Variants in KIAA1549L observed in about 807,000 individuals in gnomAD.
The protein encoded by KIAA1549L is KIAA1549 like, also known as UPF0606 protein KIAA1549L.
Under a neutral mutation model 160.7 loss-of-function variants are expected in KIAA1549L, and 88 were observed. The observed-to-expected ratio is 0.55, with a 90% CI of 0.46 to 0.65. KIAA1549L has a LOEUF of 0.65. Among genes scored for constraint, KIAA1549L ranks in the 30% least tolerant of loss-of-function variants. The pLI is 0.00. For synonymous variants in KIAA1549L, 950 were observed against 976.7 expected (o/e 0.97, Z 0.51); for missense variants, 2,258 against 2,437.5 (o/e 0.93, Z 1.55).
rs1205892544 is a variant in KIAA1549L, at chr11:33,376,219, C to G, written c.-433C>G. On this transcript the variant is annotated 5_prime_UTR_variant, in exon 1 of 21. Transcript: ENST00000658780. This position sits in a 1 kb window ranked among gnomAD's most constrained non-coding sequence, Gnocchi z 5.8. ...AGGAGCGAGGAGCGAGGAGCCAGGA[C>G]AGCGGGGCGCCGAGGCTGCAGCGGC... Among the ~76,000 whole-genome samples the G allele has an allele frequency of 1.3e-5, 2 of 149,392 alleles. No individual in the cohort carries two copies. Among genetic ancestry groups the G allele is most frequent in the Non-Finnish European group, 3.0e-5 (2 of 66,920 alleles).
In KIAA1549L at chr11:33,609,769, G is replaced by C. The variant is rs768133434; in HGVS notation, c.5082G>C (p.Gln1694His). 1 of 1,609,820 alleles carries C rather than the reference G, an allele frequency of 6.2e-7. No individual in the cohort carries two copies. Among genetic ancestry groups the C allele is most frequent in the Non-Finnish European group, 8.5e-7 (1 of 1,178,144 alleles). The change falls in exon 15 of 21, where the codon CAG (glutamine) becomes CAC (histidine). Residue 1694 changes from glutamine (Q) to histidine (H), a missense_variant. Around this residue, in one of 6 missense-constraint regions of KIAA1549L, gnomAD observed 1,359 missense variants for 1,546.6 expected, o/e 0.88. Coordinates refer to ENST00000658780, the MANE Select transcript of KIAA1549L (RefSeq NM_012194.3). ...LNGEVNKALKQKSDIEHYRNK... is the reference protein window; with the variant it reads ...LNGEVNKALKHKSDIEHYRNK... Reference sequence around the variant, plus strand: ...CCCAGGTGAACAAAGCCCTGAAGCAGAAGTCAGACATCGAGCACTATCGGA... The same window carrying C: ...CCCAGGTGAACAAAGCCCTGAAGCACAAGTCAGACATCGAGCACTATCGGA...
intron 1 of KIAA1549L, among the ~76,000 whole-genome samples, chr11:33,539,131 C>G (rs1364737419): frequency 6.6e-6 from 1 of 152,146 alleles, no homozygotes; most frequent in African/African-American, 2.4e-5. Flanking sequence ...TGCTTTCTCC[C>G]TTGGCTTTAT....
At chr11:33,448,334 A>T (rs2761221) in intron 1 of KIAA1549L, among the ~76,000 whole-genome samples, 2 of 151,920 alleles carry the variant, frequency 1.3e-5, no homozygotes, top group African/African-American at 4.8e-5. Context: ...AATACCAGGG[A>T]TGTATGTCCT....
intron 1 of KIAA1549L, among the ~76,000 whole-genome samples, chr11:33,483,614 G>A (rs1852458616): frequency 2.0e-5 from 3 of 152,112 alleles, no homozygotes; most frequent in African/African-American, 4.8e-5. Flanking sequence ...ATCTTGAATT[G>A]TGGCTCCCAT....
chr11:33,435,763 T>C (rs868740726), intron 1 of KIAA1549L, among the ~76,000 whole-genome samples: 169 of 9,046 alleles, frequency 0.019, no homozygotes, highest in African/African-American at 0.071. Context: ...CAATAAGATA[T>C]ATATATATAT....
At chr11:33,441,486 G>T (rs536159382) in intron 1 of KIAA1549L, among the ~76,000 whole-genome samples, 1 of 111,254 alleles carries the variant, frequency 9.0e-6, no homozygotes, top group Non-Finnish European at 1.9e-5. Flanking sequence ...GATCCCTGAG[G>T]AATCGCCACA....
chr11:33,455,556 G>A (rs1169268573), intron 1 of KIAA1549L, among the ~76,000 whole-genome samples: 2 of 152,128 alleles, frequency 1.3e-5, no homozygotes, highest in African/African-American at 4.8e-5. Flanking sequence ...TTGATTATTT[G>A]AGTTAACTCC....
intron 12 of KIAA1549L, among the ~76,000 whole-genome samples, chr11:33,598,409 G>C (rs1296159881): frequency 6.6e-6 from 1 of 152,186 alleles, no homozygotes; most frequent in Non-Finnish European, 1.5e-5. Flanking sequence ...TAGCCAAAGA[G>C]AACCACGTGT....
intron 1 of KIAA1549L, among the ~76,000 whole-genome samples, chr11:33,508,571 C>T (rs1370301587): frequency 2.0e-5 from 3 of 152,212 alleles, no homozygotes; most frequent in African/African-American, 7.2e-5. Flanking sequence ...TGTCCTTATT[C>T]TGCCTACCCC....
At chr11:33,614,560 A>T (rs1564924804) in intron 15 of KIAA1549L, among the ~76,000 whole-genome samples, 2 of 13,148 alleles carry the variant, frequency 1.5e-4, no homozygotes, top group East Asian at 1.6e-3. Flanking sequence ...ATATATATAT[A>T]TATATATATA....
chr11:33,510,281 G>T (rs994314552), intron 1 of KIAA1549L, among the ~76,000 whole-genome samples: 3 of 152,010 alleles, frequency 2.0e-5, no homozygotes, highest in African/African-American at 4.8e-5. Context: ...TACCTCCCGG[G>T]TTCAAGTGAT....
At position 33,407,162 on chromosome 11, in the gene KIAA1549L, A is replaced by G. The variant is rs371110224; in HGVS notation, c.238+30273A>G. ...TGCAGTGGCGTGATCTCGGCTCACTACAAACTCCGCCTCCCGGGTTCACGC... is the reference window on the plus strand; with the variant it reads ...TGCAGTGGCGTGATCTCGGCTCACTGCAAACTCCGCCTCCCGGGTTCACGC... On this transcript the variant is annotated intron_variant, in intron 1 of 20. Transcript: ENST00000658780. Among the ~76,000 whole-genome samples, 116 of 130,564 alleles carry G rather than the reference A, an allele frequency of 8.9e-4. No individual in the cohort carries two copies. In the South Asian group the frequency reaches 0.011, roughly 13 times the overall value. 85.7% of individuals were successfully genotyped at this position (130,564 alleles called of 152,430 possible).
At chr11:33,514,393 G>A (rs759422061) in intron 1 of KIAA1549L, among the ~76,000 whole-genome samples, 3 of 152,072 alleles carry the variant, frequency 2.0e-5, no homozygotes, top group Non-Finnish European at 4.4e-5. Flanking sequence ...CTTTTTTGAC[G>A]TCTACACTGA....
At chr11:33,662,160 T>C (rs1852287590) in intron 20 of KIAA1549L, among the ~76,000 whole-genome samples, 1 of 152,338 alleles carries the variant, frequency 6.6e-6, no homozygotes, top group African/African-American at 2.4e-5. Flanking sequence ...GTAGGATTAT[T>C]GACCTTATAT....
At chr11:33,404,323 G>T (rs971429250) in intron 1 of KIAA1549L, among the ~76,000 whole-genome samples, 1 of 152,138 alleles carries the variant, frequency 6.6e-6, no homozygotes, top group Non-Finnish European at 1.5e-5. Context: ...TTAGGAGTTT[G>T]AGACCAGCCC....
At position 33,543,077 on chromosome 11, in the gene KIAA1549L, T is replaced by A; in HGVS notation, c.1514T>A (p.Leu505His). 1.2e-6 allele frequency: 2 copies of A among 1,613,894 alleles called. No homozygotes were observed. Among genetic ancestry groups the A allele is most frequent in the Non-Finnish European group, 1.7e-6 (2 of 1,179,888 alleles). ...STGTADFPSILTFLQPTENHA... is the reference protein window; with the variant it reads ...STGTADFPSIHTFLQPTENHA... The stretch of plus-strand genomic sequence containing the variant: ...GGGACAGCCGACTTTCCCTCCATAC[T>A]TACTTTCCTCCAGCCCACAGAGAAT... The change falls in exon 2 of 21, where the codon CTT becomes CAT. Residue 505 changes from leucine (L) to histidine (H), a missense_variant. By Grantham distance (99) the Leu-to-His change is moderately conservative. This residue lies in a region of KIAA1549L where 540 missense variants were observed against 465.7 expected (regional missense o/e 1.16). Coordinates refer to ENST00000658780, the MANE Select transcript of KIAA1549L (RefSeq NM_012194.3).
Position 33,661,009 on chromosome 11 carries a change from G to C in KIAA1549L, c.6154G>C (p.Asp2052His). 1 of 1,608,124 alleles carries C rather than the reference G, an allele frequency of 6.2e-7. No individual in the cohort carries two copies. Among genetic ancestry groups the C allele is most frequent in the Non-Finnish European group, 8.5e-7 (1 of 1,177,050 alleles). The change falls in exon 20 of 21, where the codon GAT becomes CAT. Residue 2052 changes from aspartate to histidine, a missense_variant. By Grantham distance (81) the Asp-to-His change is moderately conservative (BLOSUM62 -1). Transcript: ENST00000658780. ...GAATGAGCTCCCGAGCCAGTGGGCA[G>C]ATTCGGTGAGACCCTTGCTCTTCAC... Reference protein sequence around the residue: ...GENELPSQWADSVPLPGYIEA... With the variant: ...GENELPSQWAHSVPLPGYIEA...
At chr11:33,404,350 C>T (rs2134073563) in intron 1 of KIAA1549L, among the ~76,000 whole-genome samples, 1 of 152,080 alleles carries the variant, frequency 6.6e-6, no homozygotes, top group South Asian at 2.1e-4. Context: ...CATGGTGAAA[C>T]CTCATCTCTA....
At chr11:33,655,936 T>C in intron 17 of KIAA1549L, 76 bp from the exon 18 acceptor site, 1 of 1,027,580 alleles carries the variant, frequency 9.7e-7, no homozygotes. Context: ...TGCTTCCTCC[T>C]CAAACAAGAG....
Sources: allele counts gnomAD v4.1 joint callset (sites outside exome capture counted in the v4.1 genomes callset), GRCh38; gene constraint gnomAD v4.1.1; regional missense constraint gnomAD v4.1.1; non-coding constraint Gnocchi (gnomAD v3.1); transcripts MANE v1.5; gene names NCBI Gene and HGNC (gene_info 2026-07-23, HGNC 2026-07-21).